PTPRS: variants seen among roughly 807,000 people sequenced by gnomAD.
PTPRS encodes the protein protein tyrosine phosphatase receptor type S.
PTPRS carries 63 observed loss-of-function variants against 215.3 expected under a neutral mutation model. The ratio of observed to expected loss-of-function variants is 0.29; its 90% CI spans 0.24 to 0.36. The LOEUF is 0.36. Ranked by LOEUF, PTPRS falls within the 10% of genes least tolerant of loss-of-function variation. PTPRS has a pLI of 1.00. For synonymous variants in PTPRS, 1,404 were observed against 1,191.4 expected (o/e 1.18, Z -3.68); for missense variants, 2,258 against 2,825.8 (o/e 0.80, Z 4.56).
intron 16 of PTPRS, among the ~76,000 whole-genome samples, chr19:5,228,140 G>A (rs2042667888): frequency 6.6e-6 from 1 of 151,870 alleles, no homozygotes; most frequent in African/African-American, 2.4e-5. Flanking sequence ...GTGAGAGATG[G>A]GAGGCATCAG....
At chr19:5,298,877 G>C (rs1219930836) in intron 1 of PTPRS, among the ~76,000 whole-genome samples, 11 of 152,192 alleles carry the variant, frequency 7.2e-5, no homozygotes, top group Admixed American at 5.9e-4. Context: ...CCTTCCAGGG[G>C]CTCAGGCTAG....
Position 5,231,338 on chromosome 19 carries a change from C to A in PTPRS, c.2127G>T (p.Ser709=). 6.2e-7 allele frequency: 1 copy of A among 1,610,976 alleles called. No individual in the cohort carries two copies. The highest frequency in any genetic ancestry group is 8.5e-7 in the Non-Finnish European group (1 of 1,179,772). Residue 709 remains serine, a synonymous_variant, in exon 14 of 38, where the codon TCG becomes TCT. Transcript: ENST00000262963. Reference sequence around the variant, plus strand: ...CCTCGTCGGTGCGGACGACCACGGGCGAGCTCTCGGGCCCTGGTCCCACCT... The same window carrying A: ...CCTCGTCGGTGCGGACGACCACGGGAGAGCTCTCGGGCCCTGGTCCCACCT... ...HTEVGPGPES[S]PVVVRTDEDV... is the part of the protein sequence containing the mutation.
intron 1 of PTPRS, among the ~76,000 whole-genome samples, chr19:5,316,151 C>G (rs988168448): frequency 1.3e-5 from 2 of 152,252 alleles, no homozygotes; most frequent in South Asian, 2.1e-4. Context: ...ACTCCTGGCC[C>G]CAAGCAATCC....
chr19:5,313,159 C>T (rs903214179), intron 1 of PTPRS, among the ~76,000 whole-genome samples: 2 of 152,172 alleles, frequency 1.3e-5, no homozygotes, highest in African/African-American at 2.4e-5. Context: ...TCAGGTGATC[C>T]GCCCGACTCA....
intron 1 of PTPRS, among the ~76,000 whole-genome samples, chr19:5,290,344 C>G (rs4807711): frequency 0.19 from 28,619 of 152,212 alleles, 3,277 homozygotes; most frequent in African/African-American, 0.3. Context: ...GTGTCTTTCT[C>G]TGGCCACTGC....
Position 5,221,215 on chromosome 19 carries a change from A to G in PTPRS, c.3240T>C (p.Arg1080=). ...YNGLTLDVDG[R]TTKKLITHLK... ...GGTGCGTGATGAGCTTCTTGGTGGT[A>G]CGGCCATCCACATCCAGTGTGAGCC... The change falls in exon 20 of 38, where the codon CGT becomes CGC. Residue 1080 remains arginine (R), a synonymous_variant. Transcript: ENST00000262963. 6.2e-7 allele frequency: 1 copy of G among 1,613,794 alleles called. No individual in the cohort carries two copies. Among genetic ancestry groups the G allele is most frequent in the Non-Finnish European group, 8.5e-7 (1 of 1,179,896 alleles).
intron 16 of PTPRS, among the ~76,000 whole-genome samples, chr19:5,227,890 G>T (rs774180989): frequency 2.6e-5 from 4 of 152,076 alleles, no homozygotes; most frequent in Non-Finnish European, 5.9e-5. Flanking sequence ...CAACACCTGT[G>T]CACACGATCA....
chr19:5,239,179 G>C (rs926138651), intron 12 of PTPRS, 116 bp from the exon 13 acceptor site: 28 of 725,610 alleles, frequency 3.9e-5, no homozygotes, highest in African/African-American at 2.8e-4. Flanking sequence ...GAGAGAGAGA[G>C]AGAGAGAGAC....
intron 13 of PTPRS, 147 bp downstream of exon 13, chr19:5,238,772 C>A (rs1220150531): frequency 1.2e-5 from 14 of 1,154,862 alleles, no homozygotes; most frequent in Non-Finnish European, 1.5e-5. Context: ...GTAGATGGAT[C>A]CGAGGTCGGG....
At chr19:5,240,452 T>C (rs10402904) in intron 11 of PTPRS, 120 bp from the exon 12 acceptor site, 28 of 1,069,004 alleles carry the variant, frequency 2.6e-5, no homozygotes, top group African/African-American at 5.0e-5. Context: ...AATGTTCTTT[T>C]ATTTTCCTGG....
chr19:5,264,939 C>G (rs2146378667), intron 5 of PTPRS, 69 bp downstream of exon 5: 1 of 1,539,900 alleles, frequency 6.5e-7, no homozygotes, highest in Non-Finnish European at 8.9e-7. Flanking sequence ...AGAACTTGGG[C>G]CCTGGAGATG....
intron 1 of PTPRS, among the ~76,000 whole-genome samples, chr19:5,320,989 T>G (rs2050010478): frequency 6.6e-6 from 1 of 152,110 alleles, no homozygotes; most frequent in Non-Finnish European, 1.5e-5. Flanking sequence ...AAGGGCCCGG[T>G]GCTGGCTCAT....
chr19:5,208,754 TCAC>T (rs1161444004), intron 35 of PTPRS, among the ~76,000 whole-genome samples: 1 of 152,072 alleles, frequency 6.6e-6, no homozygotes, highest in Non-Finnish European at 1.5e-5. Context: ...AACCTCATCC[TCAC>T]CACTTCTTGC....
chr19:5,309,951 T>C (rs2049641420), intron 1 of PTPRS, among the ~76,000 whole-genome samples: 1 of 152,114 alleles, frequency 6.6e-6, no homozygotes, highest in Non-Finnish European at 1.5e-5. Context: ...CCTTTGCCCA[T>C]AGCCCTCCCT....
At position 5,293,616 on chromosome 19, in the gene PTPRS, G is replaced by A. The variant is rs1451495046; in HGVS notation, c.-94-7382C>T. On this transcript the variant is annotated intron_variant, in intron 1 of 37. Coordinates refer to ENST00000262963, the MANE Select transcript of PTPRS (RefSeq NM_002850.4). The surrounding 1 kb of genome is among the most constrained non-coding windows in gnomAD (Gnocchi z 8.4). ...GCTGGATGCCGGACAGGGCGGCGGA[G>A]GGCTCCCCAAACACACCCAACTACA... Among the ~76,000 whole-genome samples, 2 of 152,128 alleles carry A rather than the reference G, an allele frequency of 1.3e-5. No homozygotes were observed. Among genetic ancestry groups the A allele is most frequent in the Admixed American group, 6.5e-5 (1 of 15,288 alleles).
rs1362794639 is a variant in PTPRS, at chr19:5,208,269, A to G, written c.5610T>C (p.Phe1870=). Residue 1870 remains phenylalanine (F), a synonymous_variant, in exon 36 of 38, where the codon TTT becomes TTC. Coordinates refer to ENST00000262963, the MANE Select transcript of PTPRS (RefSeq NM_002850.4). ...GGACAGAGATGGGGCCGTCCTGGCCAAACTGCTCCTTAGTCTTATGCACTT... is the reference window on the plus strand; with the variant it reads ...GGACAGAGATGGGGCCGTCCTGGCCGAACTGCTCCTTAGTCTTATGCACTT... ...IGQVHKTKEQ[F]GQDGPISVHC... is the part of the protein sequence containing the mutation. The G allele has an allele frequency of 1.9e-6, 3 of 1,612,026 alleles. No homozygotes were observed. The highest frequency in any genetic ancestry group is 1.7e-6 in the Non-Finnish European group (2 of 1,178,886).
intron 20 of PTPRS, 48 bp downstream of exon 20, chr19:5,220,952 T>C (rs1183985153): frequency 1.3e-6 from 2 of 1,562,064 alleles, no homozygotes; most frequent in African/African-American, 2.7e-5. Context: ...AGCCATATAG[T>C]AGGCTGATGG....
At chr19:5,258,941 G>T (rs1338027822) in intron 7 of PTPRS, among the ~76,000 whole-genome samples, 1 of 152,122 alleles carries the variant, frequency 6.6e-6, no homozygotes, top group Non-Finnish European at 1.5e-5. Context: ...CAACATCCTG[G>T]TGCTCACGAG....
rs1424358797 is a variant in PTPRS, at chr19:5,208,356, G to A, written c.5523C>T (p.Phe1841=). The A allele has an allele frequency of 6.2e-7, 1 of 1,612,814 alleles. No individual in the cohort carries two copies. The highest frequency in any genetic ancestry group is 8.5e-7 in the Non-Finnish European group (1 of 1,179,300). Residue 1841 remains phenylalanine, a synonymous_variant, in exon 36 of 38, where the codon TTC becomes TTT. Coordinates refer to ENST00000262963, the MANE Select transcript of PTPRS (RefSeq NM_002850.4). The stretch of plus-strand genomic sequence containing the variant: ...GCACACCCTGTTCCGGCCAGTCTGT[G>A]AACTGGAACTGCCGGACAGTCCGGG... The part of the protein sequence containing the change: ...GQSRTVRQFQ[F]TDWPEQGVPK...
Sources: allele counts gnomAD v4.1 joint callset (sites outside exome capture counted in the v4.1 genomes callset), GRCh38; gene constraint gnomAD v4.1.1; non-coding constraint Gnocchi (gnomAD v3.1); transcripts MANE v1.5; gene names NCBI Gene and HGNC (gene_info 2026-07-23, HGNC 2026-07-21).